The following TRIM51 variants were observed in gnomAD, a reference collection of about 807,000 sequenced individuals.
TRIM51 encodes tripartite motif-containing protein 51.
A neutral mutation model predicts 32.7 loss-of-function variants in TRIM51; 23 were observed. The ratio of observed to expected loss-of-function variants is 0.70; its 90% CI spans 0.51 to 1.00. The LOEUF (loss-of-function observed/expected upper bound fraction) is 1.00, where lower values mean the gene tolerates loss of function less well. TRIM51 is among the 50% of genes least tolerant of loss of function. The pLI is 0.00. For synonymous variants in TRIM51, 177 were observed against 181.9 expected (o/e 0.97, Z 0.22); for missense variants, 592 against 539.2 (o/e 1.10, Z -0.97).
rs138269041 is a variant in TRIM51, at chr11:55,891,508, T to G, written c.1235T>G (p.Phe412Cys). 1.0e-4 allele frequency: 163 copies of G among 1,613,474 alleles called. 1 individual carries two copies. In the African/African-American group the frequency reaches 1.8e-3, roughly 18 times the overall value. ...VPRPTSTVGLFLDCEGRTVSF... is the reference protein window; with the variant it reads ...VPRPTSTVGLCLDCEGRTVSF... ...AGACCTACCAGCACAGTAGGATTAT[T>G]CCTGGATTGTGAAGGTAGAACCGTG... Residue 412 changes from phenylalanine (F) to cysteine (C), a missense_variant, in exon 7 of 7, where the codon TTC becomes TGC. Transcript: ENST00000449290.
At chr11:55,885,271 T>G (rs1219397205) in intron 1 of TRIM51, among the ~76,000 whole-genome samples, 154 bp from the exon 2 acceptor site, 2 of 152,180 alleles carry the variant, frequency 1.3e-5, no homozygotes, top group African/African-American at 4.8e-5. Context: ...ACTCTCTTTG[T>G]GTTTGAATTT....
At position 55,885,553 on chromosome 11, in the gene TRIM51, A is replaced by G. The variant is rs1391625436; in HGVS notation, c.125A>G (p.Asn42Ser). Residue 42 changes from asparagine (N) to serine (S), a missense_variant, in exon 2 of 7, where the codon AAC becomes AGC. Physicochemically the swap from Asn to Ser is conservative, Grantham distance 46 (BLOSUM62 1). Transcript: ENST00000449290. ...TTTTGCCGGCCCTGTTTGTACCTCAACTGGCAAGACACGGCAGTTCTTGCT... is the reference window on the plus strand; with the variant it reads ...TTTTGCCGGCCCTGTTTGTACCTCAGCTGGCAAGACACGGCAGTTCTTGCT... ...HSFCRPCLYL[N>S]WQDTAVLAQC... The G allele has an allele frequency of 1.2e-6, 2 of 1,611,862 alleles. No individual in the cohort carries two copies. The highest frequency in any genetic ancestry group is 2.7e-5 in the African/African-American group (2 of 74,826).
intron 5 of TRIM51, among the ~76,000 whole-genome samples, chr11:55,889,322 G>A (rs1257419988): frequency 6.6e-6 from 1 of 152,094 alleles, no homozygotes; most frequent in Non-Finnish European, 1.5e-5. Context: ...ATTCATATTT[G>A]AAAGAGAAAA....
intron 6 of TRIM51, among the ~76,000 whole-genome samples, chr11:55,890,712 T>C (rs1181932552): frequency 6.6e-6 from 1 of 152,168 alleles, no homozygotes; most frequent in Non-Finnish European, 1.5e-5. Context: ...TGGACTTTTA[T>C]CCAGTTATCT....
chr11:55,885,676 G>A lies in TRIM51; in HGVS notation c.248G>A (p.Arg83Gln), dbSNP rs139676401. The A allele has an allele frequency of 4.5e-4, 717 of 1,610,980 alleles. 2 individuals are homozygous for A. The African/African-American group carries it at 8.1e-3, about 18-fold the overall frequency. The change falls in exon 2 of 7, where the codon CGG becomes CAG. Residue 83 changes from arginine to glutamine, a missense_variant. Arg to Gln is a conservative substitution (Grantham distance 43, BLOSUM62 1). Coordinates refer to ENST00000449290, the MANE Select transcript of TRIM51 (RefSeq NM_032681.4). ...MAFIARKASL[R>Q]QFLSSEEQIC... ...TTCATTGCCAGAAAAGCCAGCCTCC[G>A]GCAATTCCTTAGCTCTGAGGAGCAA...
intron 5 of TRIM51, 126 bp from the exon 6 acceptor site, chr11:55,889,816 A>T (rs1854624626): frequency 1.5e-6 from 1 of 669,724 alleles, no homozygotes; most frequent in Admixed American, 2.7e-5. Context: ...AAATAAAATG[A>T]TAATTTTGGA....
At chr11:55,885,037 A>G (rs1413951369) in intron 1 of TRIM51, among the ~76,000 whole-genome samples, 5 of 152,006 alleles carry the variant, frequency 3.3e-5, no homozygotes, top group East Asian at 3.9e-4. Context: ...TTGTTACCCA[A>G]TGTAGGTTTT....
chr11:55,885,386 C>G (rs765265412), intron 1 of TRIM51, 39 bp from the exon 2 acceptor site: 42 of 1,609,794 alleles, frequency 2.6e-5, no homozygotes, highest in South Asian at 6.6e-5. Flanking sequence ...TTTTCACCAA[C>G]CCAGACCCCA....
In TRIM51 at chr11:55,887,891, A is replaced by G. The variant is rs1454656964; in HGVS notation, c.508-141A>G. The G allele has an allele frequency of 1.5e-5, 10 of 678,192 alleles. No homozygotes were observed. The East Asian group carries it at 1.9e-4, about 13-fold the overall frequency. The allele number at this position is 678,192 out of a possible 1,614,324, so 42.0% of individuals were successfully genotyped here. ...TTGATATTAGTACAGAAAAAAAAAT[A>G]AAAGGGATAAAATTTTGTGGAATCT... On this transcript the variant is annotated intron_variant, in intron 3 of 6. Transcript: ENST00000449290.
intron 3 of TRIM51, among the ~76,000 whole-genome samples, chr11:55,886,702 T>C (rs1316665340): frequency 6.6e-6 from 1 of 152,112 alleles, no homozygotes; most frequent in Non-Finnish European, 1.5e-5. Context: ...CACTAATTAA[T>C]ATTGAATAAG....
intron 6 of TRIM51, among the ~76,000 whole-genome samples, chr11:55,890,268 T>C (rs1301273146): frequency 1.3e-5 from 2 of 152,122 alleles, no homozygotes; most frequent in Non-Finnish European, 2.9e-5. Flanking sequence ...GATAGAGTTA[T>C]ATATTGGGTA....
At chr11:55,883,961 A>G (rs1451145619) in intron 1 of TRIM51, among the ~76,000 whole-genome samples, 1 of 151,848 alleles carries the variant, frequency 6.6e-6, no homozygotes, top group East Asian at 1.9e-4. Context: ...ACTGTGAAAA[A>G]TTCCTTGAAA....
chr11:55,891,530 C>A lies in TRIM51; in HGVS notation c.1257C>A (p.Thr419=). The part of the protein sequence containing the change: ...VGLFLDCEGR[T]VSFVDVDQSS... ...TATTCCTGGATTGTGAAGGTAGAAC[C>A]GTGAGCTTTGTTGATGTTGATCAAA... The change falls in exon 7 of 7, where the codon ACC becomes ACA. Residue 419 remains threonine, a synonymous_variant. Transcript: ENST00000449290. The A allele has an allele frequency of 6.2e-7, 1 of 1,613,494 alleles. No homozygotes were observed.
chr11:55,887,961 G>A (rs1318451609), intron 3 of TRIM51, 71 bp from the exon 4 acceptor site: 1 of 1,119,670 alleles, frequency 8.9e-7, no homozygotes, highest in Non-Finnish European at 1.3e-6. Context: ...TGTTTAGAAT[G>A]CTAAGAGGAA....
intron 1 of TRIM51, among the ~76,000 whole-genome samples, chr11:55,884,931 G>A (rs892900372): frequency 6.0e-5 from 9 of 151,214 alleles, no homozygotes; most frequent in African/African-American, 2.2e-4. Flanking sequence ...CTGGTCGGTT[G>A]GTTTGTTCTG....
At chr11:55,887,649 G>T (rs1371060309) in intron 3 of TRIM51, among the ~76,000 whole-genome samples, 1 of 152,044 alleles carries the variant, frequency 6.6e-6, no homozygotes, top group Non-Finnish European at 1.5e-5. Context: ...GTCATCATTT[G>T]TCAGATAATG....
At position 55,885,407 on chromosome 11, in the gene TRIM51, C is replaced by T; in HGVS notation, c.-4-18C>T. On this transcript the variant is annotated intron_variant, in intron 1 of 6. Coordinates refer to ENST00000449290, the MANE Select transcript of TRIM51 (RefSeq NM_032681.4). ...CCAACCCAGACCCCAAAATGACATG[C>T]TGCTCTTTCTTCTTCAGAAACATGA... The T allele has an allele frequency of 1.2e-6, 2 of 1,611,582 alleles. No individual in the cohort carries two copies. Among genetic ancestry groups the T allele is most frequent in the South Asian group, 1.1e-5 (1 of 90,980 alleles).
In TRIM51 at chr11:55,888,162, A is replaced by T. The variant is rs150589110; in HGVS notation, c.638A>T (p.Asn213Ile). Residue 213 changes from asparagine to isoleucine, a missense_variant, in exon 4 of 7, where the codon AAT (asparagine) becomes ATT (isoleucine). Coordinates refer to ENST00000449290, the MANE Select transcript of TRIM51 (RefSeq NM_032681.4). ...GGCGAGGACATTTTTCAGCAACTCA[A>T]TGAAAGCAAAGCCAGAATGGAACAT... ...KEGEDIFQQLNESKARMEHSR... is the reference protein window; with the variant it reads ...KEGEDIFQQLIESKARMEHSR... 30 of 1,613,744 alleles carry T rather than the reference A, an allele frequency of 1.9e-5. No individual in the cohort carries two copies. In the African/African-American group the frequency reaches 3.7e-4, roughly 20 times the overall value.
Position 55,886,139 on chromosome 11 carries a change from A to T in TRIM51, c.428A>T (p.Lys143Ile). The change falls in exon 3 of 7, where the codon AAA becomes ATA. Residue 143 changes from lysine to isoleucine, a missense_variant. Physicochemically the swap from Lys to Ile is moderately radical, Grantham distance 102 (BLOSUM62 -3). Coordinates refer to ENST00000449290, the MANE Select transcript of TRIM51 (RefSeq NM_032681.4). ...AEERREELLK[K>I]MQSLWEKACE... ...GTTTTGCAGGAGGAGCTCCTAAAAA[A>T]AATGCAGTCTTTATGGGAAAAAGCT... 6.2e-7 allele frequency: 1 copy of T among 1,613,372 alleles called. No individual in the cohort carries two copies. The highest frequency in any genetic ancestry group is 1.1e-5 in the South Asian group (1 of 91,034).
Sources: gnomAD v4.1 joint callset for allele counts (sites outside exome capture counted in the v4.1 genomes callset) on GRCh38, gnomAD v4.1.1 for gene constraint, MANE v1.5 for transcripts, NCBI Gene and HGNC (gene_info 2026-07-23, HGNC 2026-07-21) for gene names.